The following DCAF6 variants were observed in gnomAD, a reference collection of about 807,000 sequenced individuals.
DCAF6 encodes the protein DDB1- and CUL4-associated factor 6.
In DCAF6, 54 loss-of-function variants were observed where a neutral mutation model predicts 125.1. The ratio of observed to expected loss-of-function variants is 0.43; its 90% CI spans 0.35 to 0.54. The LOEUF is 0.54. DCAF6 is among the 20% of genes least tolerant of loss of function. The pLI is 0.01. For missense variants in DCAF6, 934 were observed against 1,161.7 expected (o/e 0.80, Z 2.85); for synonymous variants, 371 against 390.4 (o/e 0.95, Z 0.58).
chr1:168,006,234 A>G (rs563491792), intron 10 of DCAF6, among the ~76,000 whole-genome samples: 4 of 152,274 alleles, frequency 2.6e-5, no homozygotes, highest in East Asian at 3.9e-4. Context: ...ATTCCTTTCA[A>G]TATTTAATGT....
At chr1:167,918,244 C>A in the DCAF6 span, 1 of 1,190,226 alleles carries the variant, frequency 8.4e-7, no homozygotes, top group Non-Finnish European at 1.2e-6. Flanking sequence ...GTTAGCTTTG[C>A]TTTATCAATA....
rs778902348 is a variant in DCAF6 at position 168,043,107 on chromosome 1, T to C, written c.1810T>C (p.Ser604Pro). Residue 604 changes from serine to proline, a missense_variant, in exon 14 of 22, where the codon TCA becomes CCA. By Grantham distance (74) the Ser-to-Pro change is moderately conservative. Transcript: ENST00000367840. ...GGAGGAATCTTTCGTCCCACAGAGC[T>C]CAGTGCAACCACCAGAAGGAGACAG... ...GQEESFVPQS[S>P]VQPPEGDSET... The C allele has an allele frequency of 1.4e-5, 22 of 1,612,860 alleles. No individual in the cohort carries two copies.
At chr1:167,957,497 T>G (rs1674961617) in intron 2 of DCAF6, among the ~76,000 whole-genome samples, 1 of 152,176 alleles carries the variant, frequency 6.6e-6, no homozygotes, top group Non-Finnish European at 1.5e-5. Context: ...TAATATTTCA[T>G]TGTACAGATA....
intron 10 of DCAF6, among the ~76,000 whole-genome samples, chr1:168,013,155 A>G (rs1684523052): frequency 6.6e-6 from 1 of 152,152 alleles, no homozygotes; most frequent in Non-Finnish European, 1.5e-5. Context: ...AGGTGTCTGT[A>G]CCTACCTGAA....
At chr1:168,044,002 G>A (rs554162581) in intron 14 of DCAF6, among the ~76,000 whole-genome samples, 1 of 152,154 alleles carries the variant, frequency 6.6e-6, no homozygotes, top group African/African-American at 2.4e-5. Flanking sequence ...AATTTCAGCT[G>A]TAAGGGATAG....
At chr1:167,965,815 A>G (rs971293057) in intron 2 of DCAF6, among the ~76,000 whole-genome samples, 2 of 152,042 alleles carry the variant, frequency 1.3e-5, no homozygotes, top group African/African-American at 4.8e-5. Flanking sequence ...TTGTATTTTT[A>G]GTAGAGACGG....
At chr1:167,934,663 T>C (rs924138174), upstream of DCAF6, among the ~76,000 whole-genome samples, 2 of 152,200 alleles carry the variant, frequency 1.3e-5, no homozygotes, top group African/African-American at 2.4e-5. Context: ...AATCAGATAA[T>C]GGGGGAACTA....
chr1:167,934,482 A>C (rs1671004964), upstream of DCAF6, among the ~76,000 whole-genome samples: 1 of 152,224 alleles, frequency 6.6e-6, no homozygotes, highest in South Asian at 2.1e-4. Context: ...AAATAAACAA[A>C]AACTTTTTAA....
the DCAF6 span, chr1:167,918,234 G>A: frequency 3.7e-6 from 4 of 1,080,136 alleles, no homozygotes; most frequent in South Asian, 6.3e-5. Context: ...TAAACACACA[G>A]TTAGCTTTGC....
chr1:167,900,960 A>G, the DCAF6 span, among the ~76,000 whole-genome samples: 2 of 152,234 alleles, frequency 1.3e-5, no homozygotes, highest in Non-Finnish European at 2.9e-5. Context: ...TGCAAAGTTT[A>G]GTTAGGCGGA....
the DCAF6 span, among the ~76,000 whole-genome samples, chr1:167,909,935 TGATGACCAGGTCTGAGGTTAAAA>T: frequency 6.8e-6 from 1 of 146,892 alleles, no homozygotes; most frequent in Non-Finnish European, 1.5e-5. Context: ...CCGGCGCCAC[TGATGACCAGGTCTGAGGTTAAAA>T]GATTAACCCC....
At chr1:167,868,711 C>G in the DCAF6 span, among the ~76,000 whole-genome samples, 1 of 152,216 alleles carries the variant, frequency 6.6e-6, no homozygotes, top group Non-Finnish European at 1.5e-5. Context: ...GCTTCCCTGT[C>G]TATGCTTTCC....
chr1:168,054,730 A>C (rs984222626), intron 17 of DCAF6, among the ~76,000 whole-genome samples: 5 of 152,200 alleles, frequency 3.3e-5, no homozygotes, highest in African/African-American at 1.2e-4. Flanking sequence ...AAGAAGATTC[A>C]AATTAATGAG....
At chr1:167,948,165 GT>G (rs1049299793) in intron 1 of DCAF6, among the ~76,000 whole-genome samples, 1 of 145,848 alleles carries the variant, frequency 6.9e-6, no homozygotes, top group African/African-American at 2.5e-5. Flanking sequence ...TTTTTAGATG[GT>G]TTTTTCTCTT....
chr1:167,903,601 A>G, the DCAF6 span, among the ~76,000 whole-genome samples: 3 of 152,168 alleles, frequency 2.0e-5, no homozygotes, highest in African/African-American at 4.8e-5. Flanking sequence ...ATACTTGGAT[A>G]TATAACTAAA....
chr1:168,017,584 GT>G (rs1571956519), intron 11 of DCAF6, among the ~76,000 whole-genome samples: 1 of 152,084 alleles, frequency 6.6e-6, no homozygotes, highest in Non-Finnish European at 1.5e-5. Context: ...ACTCTTAAGT[GT>G]TTTCTAATTA....
chr1:168,063,902 G>T, intron 18 of DCAF6, 143 bp downstream of exon 18: 1 of 743,052 alleles, frequency 1.3e-6, no homozygotes, highest in Non-Finnish European at 2.1e-6. Context: ...ATCCAACATG[G>T]TTCTTTTAGC....
chr1:168,044,789 A>G (rs1688957948), intron 15 of DCAF6, 111 bp from the exon 16 acceptor site: 1 of 1,417,828 alleles, frequency 7.1e-7, no homozygotes, highest in Non-Finnish European at 9.8e-7. Flanking sequence ...TCCTCCCCTT[A>G]TAGAGGAATT....
chr1:168,057,727 G>A (rs12069228), intron 17 of DCAF6, among the ~76,000 whole-genome samples: 8,946 of 152,140 alleles, frequency 0.059, 833 homozygotes, highest in African/African-American at 0.2. Context: ...GCATTGACAG[G>A]GCTTTGCAGG....
Sources: gnomAD v4.1 joint callset for allele counts (sites outside exome capture counted in the v4.1 genomes callset) on GRCh38, gnomAD v4.1.1 for gene constraint, MANE v1.5 for transcripts, NCBI Gene and HGNC (gene_info 2026-07-23, HGNC 2026-07-21) for gene names.